LRRTM4: variants seen among roughly 807,000 people sequenced by gnomAD.
LRRTM4 encodes leucine-rich repeat transmembrane neuronal protein 4.
A neutral mutation model predicts 47.6 loss-of-function variants in LRRTM4; 25 were observed. That is an observed-to-expected ratio of 0.53 (90% CI 0.38 to 0.73). The LOEUF (loss-of-function observed/expected upper bound fraction) is 0.73. Ranked by LOEUF, LRRTM4 falls within the 30% of genes least tolerant of loss-of-function variation. The pLI is 0.00. For synonymous variants in LRRTM4, 311 were observed against 269.5 expected, an observed-to-expected ratio of 1.15 and a Z score of -1.51; for missense variants, 638 against 713.4, an observed-to-expected ratio of 0.89 and a Z score of 1.20.
At chr2:77,402,205 A>G (rs1673988300) in intron 3 of LRRTM4, among the ~76,000 whole-genome samples, 1 of 151,776 alleles carries the variant, frequency 6.6e-6, no homozygotes, top group Admixed American at 6.6e-5. Flanking sequence ...GAGTGCAGTG[A>G]TGTGATTATA....
chr2:77,051,015 A>ATT (rs776648650), intron 3 of LRRTM4, among the ~76,000 whole-genome samples: 2 of 149,086 alleles, frequency 1.3e-5, no homozygotes, highest in Non-Finnish European at 3.0e-5. Context: ...TACTTAAAAC[A>ATT]TTTTTTTTTT....
intron 3 of LRRTM4, among the ~76,000 whole-genome samples, chr2:77,044,789 C>G (rs1368969328): frequency 1.3e-5 from 2 of 151,216 alleles, no homozygotes; most frequent in Non-Finnish European, 3.0e-5. Context: ...TGTATAGATA[C>G]AGGTGTATAA....
At chr2:77,445,102 A>T (rs1299106170) in intron 3 of LRRTM4, among the ~76,000 whole-genome samples, 1 of 151,940 alleles carries the variant, frequency 6.6e-6, no homozygotes, top group African/African-American at 2.4e-5. Context: ...CATCTTCTAT[A>T]AGGCAATTGT....
intron 3 of LRRTM4, among the ~76,000 whole-genome samples, chr2:77,064,072 A>T (rs915525418): frequency 5.9e-5 from 9 of 152,032 alleles, no homozygotes; most frequent in African/African-American, 9.7e-5. Flanking sequence ...GTTGTTCCTT[A>T]TTTTTTTTAA....
At chr2:76,818,834 T>A (rs560280804) in intron 3 of LRRTM4, among the ~76,000 whole-genome samples, 2 of 151,862 alleles carry the variant, frequency 1.3e-5, no homozygotes, top group South Asian at 4.1e-4. Context: ...CAAACTGAAA[T>A]AATCACATAA....
At chr2:77,070,777 C>T (rs557388585) in intron 3 of LRRTM4, among the ~76,000 whole-genome samples, 25 of 152,082 alleles carry the variant, frequency 1.6e-4, no homozygotes, top group Middle Eastern at 3.4e-3. Context: ...ACTACAGGCA[C>T]GCACTACCAT....
chr2:76,795,537 A>G (rs1675242411), intron 3 of LRRTM4, among the ~76,000 whole-genome samples: 1 of 151,282 alleles, frequency 6.6e-6, no homozygotes, highest in Non-Finnish European at 1.5e-5. Context: ...TATATACCAT[A>G]TGCATATACA....
chr2:77,193,961 A>C (rs116427775), intron 3 of LRRTM4, among the ~76,000 whole-genome samples: 1 of 152,288 alleles, frequency 6.6e-6, no homozygotes, highest in African/African-American at 2.4e-5. Context: ...GGGTTAATTT[A>C]CTTCTCTTTC....
At chr2:77,028,698 A>G (rs1367450818) in intron 3 of LRRTM4, among the ~76,000 whole-genome samples, 1 of 151,960 alleles carries the variant, frequency 6.6e-6, no homozygotes, top group African/African-American at 2.4e-5. Context: ...GGATGATGAT[A>G]TAAGAAAAGT....
chr2:76,767,857 C>A (rs1673519192), intron 3 of LRRTM4, among the ~76,000 whole-genome samples: 1 of 152,140 alleles, frequency 6.6e-6, no homozygotes, highest in South Asian at 2.1e-4. Flanking sequence ...GGACTGAGTT[C>A]TGTCTTTTGA....
At chr2:76,908,659 A>T (rs1304034995) in intron 3 of LRRTM4, among the ~76,000 whole-genome samples, 2 of 152,196 alleles carry the variant, frequency 1.3e-5, no homozygotes, top group Non-Finnish European at 2.9e-5. Context: ...AGGACACAAA[A>T]TCTCTGTACA....
chr2:77,174,464 G>C (rs1376740525), intron 3 of LRRTM4, among the ~76,000 whole-genome samples: 1 of 152,166 alleles, frequency 6.6e-6, no homozygotes, highest in East Asian at 1.9e-4. Flanking sequence ...CCAAGGCTTT[G>C]AGTGTAGCAG....
intron 3 of LRRTM4, among the ~76,000 whole-genome samples, chr2:76,917,132 C>A (rs1458983004): frequency 6.6e-6 from 1 of 152,258 alleles, no homozygotes; most frequent in South Asian, 2.1e-4. Context: ...ATTGTATAGT[C>A]TTTGTTGCAG....
At chr2:76,966,106 T>C (rs2103925320) in intron 3 of LRRTM4, among the ~76,000 whole-genome samples, 1 of 151,642 alleles carries the variant, frequency 6.6e-6, no homozygotes, top group South Asian at 2.1e-4. Context: ...TTTTAAAGCA[T>C]AGGCTATAAT....
intron 3 of LRRTM4, among the ~76,000 whole-genome samples, chr2:76,859,181 G>C (rs1421312915): frequency 6.6e-6 from 1 of 152,112 alleles, no homozygotes; most frequent in African/African-American, 2.4e-5. Flanking sequence ...ACTTAGGAGG[G>C]GGTGAAGGAT....
At chr2:76,779,248 G>T (rs1391868743) in intron 3 of LRRTM4, among the ~76,000 whole-genome samples, 1 of 147,436 alleles carries the variant, frequency 6.8e-6, no homozygotes, top group African/African-American at 2.5e-5. Flanking sequence ...TTGATTTGGG[G>T]TGGAGAGTTC....
At chr2:77,007,020 CTTTG>C (rs749638868) in intron 3 of LRRTM4, among the ~76,000 whole-genome samples, 17 of 151,780 alleles carry the variant, frequency 1.1e-4, no homozygotes, top group Non-Finnish European at 2.5e-4. Flanking sequence ...GGAATGTTGG[CTTTG>C]TTTTTTGTTT....
intron 3 of LRRTM4, among the ~76,000 whole-genome samples, chr2:77,083,715 T>C (rs1181737478): frequency 2.0e-5 from 3 of 151,674 alleles, no homozygotes; most frequent in Non-Finnish European, 4.4e-5. Flanking sequence ...AGAGTGTTGA[T>C]TGTTCTTCAG....
chr2:76,970,520 A>T (rs1248475621), intron 3 of LRRTM4, among the ~76,000 whole-genome samples: 2 of 152,036 alleles, frequency 1.3e-5, no homozygotes, highest in East Asian at 1.9e-4. Context: ...ATTCAGCAAC[A>T]CTTGTGGCAT....
Sources: allele counts gnomAD v4.1 joint callset (sites outside exome capture counted in the v4.1 genomes callset), GRCh38; gene constraint gnomAD v4.1.1; transcripts MANE v1.5; gene names NCBI Gene and HGNC (gene_info 2026-07-23, HGNC 2026-07-21).